Variants in RBMS3 observed in about 807,000 individuals in gnomAD.
RBMS3 encodes RNA-binding motif, single-stranded-interacting protein 3.
In RBMS3, 27 loss-of-function variants were observed where a neutral mutation model predicts 66.8. The observed-to-expected ratio is 0.40, with a 90% CI of 0.30 to 0.56. RBMS3 has a LOEUF of 0.56. Ranked by LOEUF, RBMS3 falls within the 20% of genes least tolerant of loss-of-function variation. RBMS3 has a pLI of 0.40. For missense variants in RBMS3, 513 were observed against 549.5 expected (o/e 0.93, Z 0.66); for synonymous variants, 188 against 183.0 (o/e 1.03, Z -0.22).
chr3:29,670,450 G>C (rs2050948313), intron 4 of RBMS3, among the ~76,000 whole-genome samples: 1 of 152,132 alleles, frequency 6.6e-6, no homozygotes, highest in African/African-American at 2.4e-5. Flanking sequence ...AGCAGGGCAG[G>C]GCATCGCCTC....
chr3:29,386,771 C>T (rs2039028615), intron 1 of RBMS3, among the ~76,000 whole-genome samples: 10 of 152,186 alleles, frequency 6.6e-5, no homozygotes, highest in Admixed American at 6.5e-4. Flanking sequence ...AGTCTCTACT[C>T]ACTGTTTCCA....
At chr3:29,377,147 TAA>T (rs1446892641) in intron 1 of RBMS3, among the ~76,000 whole-genome samples, 1 of 152,086 alleles carries the variant, frequency 6.6e-6, no homozygotes, top group African/African-American at 2.4e-5. Context: ...TGCTATTTGC[TAA>T]AGTCAGCCTC....
At chr3:29,992,697 C>G (rs1287156962) in intron 14 of RBMS3, among the ~76,000 whole-genome samples, 1 of 152,072 alleles carries the variant, frequency 6.6e-6, no homozygotes, top group Admixed American at 6.5e-5. Flanking sequence ...GGATCTGTAG[C>G]CAACAAGCCG....
At chr3:29,554,921 G>A (rs73828700) in intron 3 of RBMS3, among the ~76,000 whole-genome samples, 2,167 of 152,218 alleles carry the variant, frequency 0.014, 44 homozygotes, top group African/African-American at 0.05. Flanking sequence ...GATTAGATTA[G>A]TGCTTCAGTA....
At chr3:29,300,024 A>T (rs1215444261) in intron 1 of RBMS3, among the ~76,000 whole-genome samples, 1 of 152,018 alleles carries the variant, frequency 6.6e-6, no homozygotes, top group African/African-American at 2.4e-5. Flanking sequence ...GACACAAAAA[A>T]GCATAAATGA....
chr3:29,817,396 GT>G (rs2057943763), intron 6 of RBMS3, among the ~76,000 whole-genome samples: 1 of 151,750 alleles, frequency 6.6e-6, no homozygotes, highest in African/African-American at 2.4e-5. Flanking sequence ...ATAGAGACAG[GT>G]TTTTACCATG....
chr3:29,781,336 A>T (rs1223240385), intron 6 of RBMS3, among the ~76,000 whole-genome samples: 1 of 152,100 alleles, frequency 6.6e-6, no homozygotes, highest in African/African-American at 2.4e-5. Flanking sequence ...TTCACTTAGC[A>T]TAAGGTATTT....
chr3:29,690,387 C>T (rs1232654996), intron 4 of RBMS3, among the ~76,000 whole-genome samples: 1 of 152,096 alleles, frequency 6.6e-6, no homozygotes, highest in Non-Finnish European at 1.5e-5. Context: ...GAGTTTGAGG[C>T]TTCAGTGAGC....
chr3:29,907,528 T>C (rs1310607241), intron 10 of RBMS3, among the ~76,000 whole-genome samples: 1 of 152,072 alleles, frequency 6.6e-6, no homozygotes, highest in African/African-American at 2.4e-5. Context: ...TTAATATATT[T>C]GTAATTAATT....
At chr3:29,414,648 T>C (rs566573494) in intron 1 of RBMS3, among the ~76,000 whole-genome samples, 4 of 152,282 alleles carry the variant, frequency 2.6e-5, no homozygotes, top group East Asian at 1.9e-4. Flanking sequence ...TGCTGCATAC[T>C]TGGGAGATAA....
At position 29,354,484 on chromosome 3, in the gene RBMS3, G is replaced by A. The variant is rs552153372; in HGVS notation, c.75+72728G>A. On this transcript the variant is annotated intron_variant, in intron 1 of 14. Transcript: ENST00000383767. ...GGTACCCATTTGCATGCATACATAC[G>A]TGTGTGTGTGTGTTTATGTGTGTAT... Among the ~76,000 whole-genome samples the A allele has an allele frequency of 1.5e-4, 23 of 151,762 alleles. No homozygotes were observed. The South Asian group carries it at 1.9e-3, about 12-fold the overall frequency.
intron 1 of RBMS3, among the ~76,000 whole-genome samples, chr3:29,407,363 G>A (rs1301020740): frequency 1.3e-5 from 2 of 152,100 alleles, no homozygotes; most frequent in African/African-American, 2.4e-5. Context: ...GTATGTACAC[G>A]ACCTTGGCAG....
At chr3:29,362,256 T>A (rs974325432) in intron 1 of RBMS3, among the ~76,000 whole-genome samples, 2 of 152,226 alleles carry the variant, frequency 1.3e-5, no homozygotes, top group South Asian at 4.1e-4. Flanking sequence ...TTGTTAGTTT[T>A]CCTTTTAACA....
At chr3:29,857,272 G>A (rs902667720) in intron 6 of RBMS3, among the ~76,000 whole-genome samples, 2 of 152,118 alleles carry the variant, frequency 1.3e-5, no homozygotes, top group African/African-American at 4.8e-5. Flanking sequence ...CAGTCTAAGG[G>A]TGCGTATGTA....
chr3:29,660,400 T>C (rs1326489323), intron 4 of RBMS3, among the ~76,000 whole-genome samples: 3 of 152,236 alleles, frequency 2.0e-5, no homozygotes, highest in Non-Finnish European at 2.9e-5. Context: ...TTTCATCCTT[T>C]CACTTTCTAT....
chr3:29,552,675 A>G (rs2046215726), intron 3 of RBMS3, among the ~76,000 whole-genome samples: 1 of 152,194 alleles, frequency 6.6e-6, no homozygotes, highest in Non-Finnish European at 1.5e-5. Flanking sequence ...AGAAAAGAAA[A>G]TTAAAAAAAA....
intron 6 of RBMS3, among the ~76,000 whole-genome samples, chr3:29,840,321 A>G (rs1415094206): frequency 2.0e-5 from 3 of 152,112 alleles, no homozygotes; most frequent in Non-Finnish European, 4.4e-5. Flanking sequence ...AAAAGACAAT[A>G]AAAGCATTGA....
chr3:29,307,943 G>C (rs559865654), intron 1 of RBMS3, among the ~76,000 whole-genome samples: 1 of 151,692 alleles, frequency 6.6e-6, no homozygotes, highest in East Asian at 2.0e-4. Context: ...ATTGGTAAAT[G>C]CATAAATGGG....
intron 6 of RBMS3, among the ~76,000 whole-genome samples, chr3:29,865,317 A>T (rs2059333592): frequency 6.6e-6 from 1 of 152,174 alleles, no homozygotes; most frequent in Non-Finnish European, 1.5e-5. Flanking sequence ...TATCCTATAA[A>T]CCTTATAAGA....
Sources: gnomAD v4.1 joint callset for allele counts (sites outside exome capture counted in the v4.1 genomes callset) on GRCh38, gnomAD v4.1.1 for gene constraint, MANE v1.5 for transcripts, NCBI Gene and HGNC (gene_info 2026-07-23, HGNC 2026-07-21) for gene names.